The following ARHGDIG variants were observed in gnomAD, a reference collection of about 807,000 sequenced individuals.
The protein encoded by ARHGDIG is Rho GDP dissociation inhibitor gamma, also known as rho GDP-dissociation inhibitor 3.
A neutral mutation model predicts 20.2 loss-of-function variants in ARHGDIG; 14 were observed. The ratio of observed to expected loss-of-function variants is 0.69; its 90% CI spans 0.46 to 1.08. ARHGDIG has a LOEUF of 1.08. Ranked by LOEUF, ARHGDIG falls within the 50% of genes least tolerant of loss-of-function variation. ARHGDIG has a pLI of 0.00. For synonymous variants in ARHGDIG, 193 were observed against 138.6 expected, an observed-to-expected ratio of 1.39 and a Z score of -2.76; for missense variants, 311 against 301.8, an observed-to-expected ratio of 1.03 and a Z score of -0.23.
chr16:282,558 C>CGGGGGGGGGGGGAAGGGGGG (rs61572786), intron 5 of ARHGDIG, 28 bp downstream of exon 5: 23 of 1,313,252 alleles, frequency 1.8e-5, no homozygotes, highest in Middle Eastern at 5.5e-4. Flanking sequence ...GGGAACGGGG[C>CGGGGGGGGGGGGAAGGGGGG]GGGGGGGGGA....
In ARHGDIG at chr16:282,493, C is replaced by T. The variant is rs199970245; in HGVS notation, c.441C>T (p.Leu147=). 1.4e-3 allele frequency: 2,169 copies of T among 1,601,166 alleles called. 14 individuals carry two copies. The East Asian group carries it at 0.014, about 10-fold the overall frequency. The stretch of plus-strand genomic sequence containing the variant: ...TCCACAGGGAGATTGTCAGCGGCCT[C>T]AAGTGTCTGCACCACACCTACCGCC... ...FKVHREIVSG[L]KCLHHTYRRG... Residue 147 remains leucine, a synonymous_variant, in exon 5 of 6, where the codon CTC becomes CTT. Coordinates refer to ENST00000219409, the MANE Select transcript of ARHGDIG (RefSeq NM_001176.4).
At chr16:281,424 T>C (rs888822341) in intron 1 of ARHGDIG, 3 of 282,006 alleles carry the variant, frequency 1.1e-5, no homozygotes, top group Middle Eastern at 1.0e-3. Context: ...AGGTAGCCCC[T>C]GACCCTGGGC....
chr16:281,589 C>CCTGCTCTCT lies in ARHGDIG; in HGVS notation c.74-150_74-142dup, dbSNP rs1313644924. The CCTGCTCTCT allele has an allele frequency of 1.1e-5, 10 of 913,618 alleles. No homozygotes were observed. In the Admixed American group the frequency reaches 2.9e-4, roughly 27 times the overall value. 56.6% of individuals were successfully genotyped at this position (913,618 alleles called of 1,614,324 possible). On this transcript the variant is annotated intron_variant, in intron 1 of 5. Coordinates refer to ENST00000219409, the MANE Select transcript of ARHGDIG (RefSeq NM_001176.4). ...GCGGTGCGGCACCTCCCCAGGCCGCCCTGCTCTCTCTGCTCGCTCTCTCCC... is the reference window on the plus strand; with the variant it reads ...GCGGTGCGGCACCTCCCCAGGCCGCCCTGCTCTCTCTGCTCTCTCTGCTCGCTCTCTCCC...
At position 280,633 on chromosome 16, in the gene ARHGDIG, G is replaced by A; in HGVS notation, c.-48G>A. 3 of 868,026 alleles carry A rather than the reference G, an allele frequency of 3.5e-6. No individual in the cohort carries two copies. The highest frequency in any genetic ancestry group is 4.1e-6 in the Non-Finnish European group (3 of 736,288). The allele number at this position is 868,026 out of a possible 1,614,324, so 53.8% of individuals were successfully genotyped here. A position where few individuals can be genotyped will look rare whatever the true frequency, so the allele number is the denominator to read the frequency against. ...GCGCCGAGCGGGGCGGCGGCGGGGC[G>A]GGCGGCGGCTCCTCGGCGGCTCCGC... On this transcript the variant is annotated 5_prime_UTR_variant, in exon 1 of 6. Transcript: ENST00000219409. This position sits in a 1 kb window ranked among gnomAD's most constrained non-coding sequence, Gnocchi z 6.6.
At chr16:281,589 CCTGCTCTCT>C (rs1313644924) in intron 1 of ARHGDIG, 148 bp from the exon 2 acceptor site, 4 of 913,618 alleles carry the variant, frequency 4.4e-6, no homozygotes, top group Non-Finnish European at 4.8e-6. Flanking sequence ...CCCAGGCCGC[CCTGCTCTCT>C]CTGCTCGCTC....
In ARHGDIG at chr16:281,922, G is replaced by T; in HGVS notation, c.250G>T (p.Val84Leu). 6.2e-7 allele frequency: 1 copy of T among 1,604,818 alleles called. No homozygotes were observed. Among genetic ancestry groups the T allele is most frequent in the South Asian group, 1.1e-5 (1 of 90,968 alleles). ...RVLLGPLPPA[V>L]DPSLPNVQVT... ...GCTGCTGGGGCCCCTGCCACCGGCC[G>T]TGGGTATGGCAGGGGTCTAGGCTTG... is the stretch of plus-strand genomic sequence containing the variant. The change falls in exon 2 of 6, where the codon GTG (valine) becomes TTG (leucine). Residue 84 changes from valine (V) to leucine (L), a missense_variant. Transcript: ENST00000219409.
chr16:282,116 G>C lies in ARHGDIG; in HGVS notation c.337+8G>C. On this transcript the variant is annotated splice_region_variant and intron_variant, in intron 3 of 5. Transcript: ENST00000219409. ...TCGTCATGGATCTCACAGGTAACTC[G>C]CAGGATGCTGCACCCTGAACACAGG... 7 of 1,612,760 alleles carry C rather than the reference G, an allele frequency of 4.3e-6. No individual in the cohort carries two copies. Among genetic ancestry groups the C allele is most frequent in the Non-Finnish European group, 5.9e-6 (7 of 1,179,896 alleles).
Position 282,796 on chromosome 16 carries a change from C to A in ARHGDIG, c.660C>A (p.Cys220Ter). 6.2e-7 allele frequency: 1 copy of A among 1,605,318 alleles called. No homozygotes were observed. The highest frequency in any genetic ancestry group is 1.3e-5 in the African/African-American group (1 of 74,884). The change falls in exon 6 of 6, where the codon TGC becomes TGA. Residue 220 changes from cysteine (C) to a stop codon, truncating the protein, a stop_gained. Coordinates refer to ENST00000219409, the MANE Select transcript of ARHGDIG (RefSeq NM_001176.4). LOFTEE classifies it high-confidence loss of function. Reference sequence around the variant, plus strand: ...CCTGGGAGTGGGGTCTCTGCATCTGCCAGGACTGGAAGGACTGAACCCCCA... The same window carrying A: ...CCTGGGAGTGGGGTCTCTGCATCTGACAGGACTGGAAGGACTGAACCCCCA... ...HLSWEWGLCICQDWKD is the reference protein window; with the variant it reads ...HLSWEWGLCI
rs150651820 is a variant in ARHGDIG, at chr16:281,821, C to G, written c.149C>G (p.Ala50Gly). The G allele has an allele frequency of 3.4e-5, 54 of 1,611,836 alleles. No homozygotes were observed. In the African/African-American group the frequency reaches 6.8e-4, roughly 20 times the overall value. ...GATGAGGCTGTGCCCGAGTACCGGG[C>G]GCCGGGGAGGAAGAGCCTCTTGGAG... ...VLDEAVPEYR[A>G]PGRKSLLEIR... is the part of the protein sequence containing the mutation. Residue 50 changes from alanine to glycine, a missense_variant, in exon 2 of 6, where the codon GCG becomes GGG. Coordinates refer to ENST00000219409, the MANE Select transcript of ARHGDIG (RefSeq NM_001176.4).
At chr16:282,259 T>C in intron 3 of ARHGDIG, 38 bp from the exon 4 acceptor site, 1 of 1,611,726 alleles carries the variant, frequency 6.2e-7, no homozygotes, top group Non-Finnish European at 8.5e-7. Context: ...TCTCAGCCTG[T>C]AGGGGAGTTC....
rs2052275638 is a variant in ARHGDIG at position 280,842 on chromosome 16, G to T, written c.73+89G>T. The T allele has an allele frequency of 4.6e-6, 4 of 862,194 alleles. No homozygotes were observed. The highest frequency in any genetic ancestry group is 4.4e-6 in the Non-Finnish European group (3 of 680,840). 53.4% of individuals were successfully genotyped at this position (862,194 alleles called of 1,614,324 possible). A position where few individuals can be genotyped will look rare whatever the true frequency, so the allele number is the denominator to read the frequency against. On this transcript the variant is annotated intron_variant, in intron 1 of 5. Coordinates refer to ENST00000219409, the MANE Select transcript of ARHGDIG (RefSeq NM_001176.4). This position sits in a 1 kb window ranked among gnomAD's most constrained non-coding sequence, Gnocchi z 6.6. ...TCCCCCGCGGCAACTTTGGGGGCGC[G>T]CATGGGGACCTCGCGGCGCCGACCC... is the stretch of plus-strand genomic sequence containing the variant.
Position 280,592 on chromosome 16 carries a change from G to A in ARHGDIG, c.-89G>A. The A allele has an allele frequency of 1.7e-6, 1 of 604,320 alleles. No individual in the cohort carries two copies. The highest frequency in any genetic ancestry group is 2.1e-6 in the Non-Finnish European group (1 of 484,290). 37.4% of individuals were successfully genotyped at this position (604,320 alleles called of 1,614,324 possible). The stretch of plus-strand genomic sequence containing the variant: ...TCCCGGCCGGGATGAGCTCACCGCA[G>A]TCGCGCCGGGGCTGAGCGCCGAGCG... On this transcript the variant is annotated 5_prime_UTR_variant, in exon 1 of 6. Coordinates refer to ENST00000219409, the MANE Select transcript of ARHGDIG (RefSeq NM_001176.4). This position sits in a 1 kb window ranked among gnomAD's most constrained non-coding sequence, Gnocchi z 6.6.
chr16:282,227 A>T, intron 3 of ARHGDIG, 70 bp from the exon 4 acceptor site: 2 of 1,607,568 alleles, frequency 1.2e-6, no homozygotes, highest in East Asian at 4.5e-5. Context: ...ACCACACCCT[A>T]CGTGGGGGCT....
Position 280,785 on chromosome 16 carries a change from G to A in ARHGDIG, c.73+32G>A. On this transcript the variant is annotated intron_variant, in intron 1 of 5. Coordinates refer to ENST00000219409, the MANE Select transcript of ARHGDIG (RefSeq NM_001176.4). This position sits in a 1 kb window ranked among gnomAD's most constrained non-coding sequence, Gnocchi z 6.6. ...GGGCCGGGCAGGGGCGGGGGGCTCG[G>A]CTGGTCTCAGCCCCGGGCGGGGAGT... 8.0e-7 allele frequency: 1 copy of A among 1,247,320 alleles called. No homozygotes were observed. The highest frequency in any genetic ancestry group is 1.0e-6 in the Non-Finnish European group (1 of 990,182). The allele number at this position is 1,247,320 out of a possible 1,614,324, so 77.3% of individuals were successfully genotyped here. A position where few individuals can be genotyped will look rare whatever the true frequency, so the allele number is the denominator to read the frequency against.
At position 282,331 on chromosome 16, in the gene ARHGDIG, C is replaced by T; in HGVS notation, c.372C>T (p.Val124=). 1.2e-6 allele frequency: 2 copies of T among 1,613,178 alleles called. No homozygotes were observed. The highest frequency in any genetic ancestry group is 1.7e-6 in the Non-Finnish European group (2 of 1,179,932). The change falls in exon 4 of 6, where the codon GTC becomes GTT. Residue 124 remains valine, a synonymous_variant. Transcript: ENST00000219409. ...DLAVLKDQVF[V]LKEGVDYRVK... ...CTGTTCTGAAGGACCAGGTGTTTGT[C>T]CTGAAGGAAGGTGTTGATTACAGAG...
rs377627632 is a variant in ARHGDIG at position 281,774 on chromosome 16, G to C, written c.102G>C (p.Pro34=). 149 of 1,604,392 alleles carry C rather than the reference G, an allele frequency of 9.3e-5. No homozygotes were observed. The highest frequency in any genetic ancestry group is 4.8e-5 in the Non-Finnish European group (57 of 1,175,782). The change falls in exon 2 of 6, where the codon CCG becomes CCC. Residue 34 remains proline, a synonymous_variant. Transcript: ENST00000219409. Reference sequence around the variant, plus strand: ...TCCTGGCTGACAAGGAGGGTGGGCCGCCGGCAGTGGACGAGGTGTTGGATG... The same window carrying C: ...TCCTGGCTGACAAGGAGGGTGGGCCCCCGGCAGTGGACGAGGTGTTGGATG... ...RVLLADKEGG[P]PAVDEVLDEA...
intron 1 of ARHGDIG, chr16:281,435 T>G (rs1370287075): frequency 3.1e-6 from 1 of 322,100 alleles, no homozygotes; most frequent in East Asian, 6.1e-5. Context: ...GACCCTGGGC[T>G]GCCCTCATCT....
chr16:282,759 C>T lies in ARHGDIG; in HGVS notation c.623C>T (p.Thr208Met), dbSNP rs147188285. 83 of 1,609,080 alleles carry T rather than the reference C, an allele frequency of 5.2e-5. No individual in the cohort carries two copies. The Middle Eastern group carries it at 1.0e-3, about 20-fold the overall frequency. ...VVSLFTDDDRTHHLSWEWGLC... is the reference protein window; with the variant it reads ...VVSLFTDDDRMHHLSWEWGLC... Reference sequence around the variant, plus strand: ...TCCCTCTTCACCGACGATGACAGGACGCACCACCTGTCCTGGGAGTGGGGT... The same window carrying T: ...TCCCTCTTCACCGACGATGACAGGATGCACCACCTGTCCTGGGAGTGGGGT... Residue 208 changes from threonine to methionine, a missense_variant, in exon 6 of 6, where the codon ACG (threonine) becomes ATG (methionine). Physicochemically the swap from Thr to Met is moderately conservative, Grantham distance 81 (BLOSUM62 -1). Transcript: ENST00000219409.
chr16:281,763 G>C lies in ARHGDIG; in HGVS notation c.91G>C (p.Glu31Gln). The C allele has an allele frequency of 6.3e-7, 1 of 1,599,504 alleles. No individual in the cohort carries two copies. Among genetic ancestry groups the C allele is most frequent in the African/African-American group, 1.3e-5 (1 of 74,778 alleles). ...LCARVLLADK[E>Q]GGPPAVDEVL... ...ACCCCCAGTCCTCCTGGCTGACAAG[G>C]AGGGTGGGCCGCCGGCAGTGGACGA... Residue 31 changes from glutamate (E) to glutamine (Q), a missense_variant, in exon 2 of 6, where the codon GAG becomes CAG. Physicochemically the swap from Glu to Gln is conservative, Grantham distance 29 (BLOSUM62 2). Coordinates refer to ENST00000219409, the MANE Select transcript of ARHGDIG (RefSeq NM_001176.4).
Sources: allele counts gnomAD v4.1 joint callset, GRCh38; gene constraint gnomAD v4.1.1; non-coding constraint Gnocchi (gnomAD v3.1); transcripts MANE v1.5; gene names NCBI Gene and HGNC (gene_info 2026-07-23, HGNC 2026-07-21).